CNTNAP5: variants seen among roughly 807,000 people sequenced by gnomAD.
The protein encoded by CNTNAP5 is contactin-associated protein-like 5.
Under a neutral mutation model 150.2 loss-of-function variants are expected in CNTNAP5, and 72 were observed. The observed-to-expected ratio is 0.48, with a 90% CI of 0.40 to 0.58. CNTNAP5 has a LOEUF of 0.58. CNTNAP5 is among the 20% of genes least tolerant of loss of function. CNTNAP5 has a pLI of 0.00. For missense variants in CNTNAP5, 1,636 were observed against 1,626.2 expected (o/e 1.01, Z -0.10); for synonymous variants, 672 against 619.8 (o/e 1.08, Z -1.25).
At chr2:124,511,919 C>A (rs1694600977) in intron 8 of CNTNAP5, among the ~76,000 whole-genome samples, 1 of 118,788 alleles carries the variant, frequency 8.4e-6, no homozygotes, top group Non-Finnish European at 1.7e-5. Context: ...ATATCTAAAC[C>A]TGAATAGGGT....
At chr2:124,217,207 G>A (rs949805499) in intron 1 of CNTNAP5, among the ~76,000 whole-genome samples, 1 of 151,594 alleles carries the variant, frequency 6.6e-6, no homozygotes, top group Non-Finnish European at 1.5e-5. Context: ...TATGAGAGAA[G>A]CCTTTTAGTC....
intron 17 of CNTNAP5, among the ~76,000 whole-genome samples, chr2:124,779,657 G>T (rs779161689): frequency 6.6e-6 from 1 of 152,048 alleles, no homozygotes; most frequent in Admixed American, 6.6e-5. Context: ...CCAAAGCACT[G>T]TTTCATGCTA....
intron 19 of CNTNAP5, among the ~76,000 whole-genome samples, chr2:124,836,712 C>T (rs973700577): frequency 5.3e-5 from 8 of 152,142 alleles, no homozygotes; most frequent in African/African-American, 1.2e-4. Flanking sequence ...CTCACTACAT[C>T]CATGGGTAAT....
intron 12 of CNTNAP5, among the ~76,000 whole-genome samples, chr2:124,626,246 A>G (rs1358612379): frequency 1.3e-5 from 2 of 152,118 alleles, no homozygotes; most frequent in African/African-American, 4.8e-5. Flanking sequence ...GTCCACTCTC[A>G]CATTGCTATA....
chr2:124,123,262 C>G (rs193293542), intron 1 of CNTNAP5, among the ~76,000 whole-genome samples: 2 of 152,200 alleles, frequency 1.3e-5, no homozygotes, highest in South Asian at 4.1e-4. Flanking sequence ...TATCCCATGC[C>G]TGGCTCGGAG....
intron 11 of CNTNAP5, among the ~76,000 whole-genome samples, chr2:124,588,641 T>C (rs1449166910): frequency 1.3e-5 from 2 of 152,156 alleles, no homozygotes; most frequent in Non-Finnish European, 2.9e-5. Flanking sequence ...CTTATTATTA[T>C]GTAAATCTCA....
rs74395086 is a variant in CNTNAP5 at position 124,662,470 on chromosome 2, C to G, written c.2077+14512C>G. ...TGTTGACCCAAATGCCATTCTGCAGCACATGACTGTATACATGTATTTATA... is the reference window on the plus strand; with the variant it reads ...TGTTGACCCAAATGCCATTCTGCAGGACATGACTGTATACATGTATTTATA... On this transcript the variant is annotated intron_variant, in intron 13 of 23. Coordinates refer to ENST00000682447, the MANE Select transcript of CNTNAP5 (RefSeq NM_001367498.1). Among the ~76,000 whole-genome samples the G allele has an allele frequency of 3.9e-3, 593 of 152,272 alleles. 17 individuals are homozygous for G. The East Asian group carries it at 0.06, about 15-fold the overall frequency.
chr2:124,283,496 C>T (rs537782031), intron 3 of CNTNAP5, among the ~76,000 whole-genome samples: 1 of 152,136 alleles, frequency 6.6e-6, no homozygotes, highest in Non-Finnish European at 1.5e-5. Context: ...GAGTTGTGGA[C>T]TCTTGTAAGC....
At chr2:124,893,373 C>G (rs958010180) in intron 21 of CNTNAP5, among the ~76,000 whole-genome samples, 2 of 152,132 alleles carry the variant, frequency 1.3e-5, no homozygotes, top group African/African-American at 4.8e-5. Context: ...TTACTCAGTA[C>G]AGCAGGATGG....
intron 11 of CNTNAP5, among the ~76,000 whole-genome samples, chr2:124,571,351 A>G (rs10445857): frequency 0.31 from 46,479 of 151,526 alleles, 7,484 homozygotes; most frequent in African/African-American, 0.35. Context: ...TGAAAGTAAA[A>G]TATTTTAAGA....
Position 124,682,952 on chromosome 2 carries a change from A to T in CNTNAP5, c.2077+34994A>T, listed in dbSNP as rs1454138. On this transcript the variant is annotated intron_variant, in intron 13 of 23. Transcript: ENST00000682447. ...GCAAATATTTACTTACACGTAAACA[A>T]CTGCAGTGATCATCACACATTTTTC... is the stretch of plus-strand genomic sequence containing the variant. Among the ~76,000 whole-genome samples the T allele has an allele frequency of 5.8e-3, 891 of 152,360 alleles. 10 individuals are homozygous for T. The highest frequency in any genetic ancestry group is 0.021 in the African/African-American group (854 of 41,572).
At chr2:124,697,745 C>T (rs1012219930) in intron 13 of CNTNAP5, among the ~76,000 whole-genome samples, 6 of 152,154 alleles carry the variant, frequency 3.9e-5, no homozygotes, top group Non-Finnish European at 8.8e-5. Context: ...CACACCAATG[C>T]TTCATCATCT....
At chr2:124,713,308 C>CTTT (rs1553434489) in intron 13 of CNTNAP5, among the ~76,000 whole-genome samples, 1 of 57,384 alleles carries the variant, frequency 1.7e-5, no homozygotes, top group African/African-American at 5.4e-5. Context: ...TTTCTTCTTT[C>CTTT]TCTTTCTTTC....
intron 11 of CNTNAP5, among the ~76,000 whole-genome samples, chr2:124,588,577 T>G (rs1696608358): frequency 6.6e-6 from 1 of 152,264 alleles, no homozygotes; most frequent in African/African-American, 2.4e-5. Context: ...AGCTTTGAAT[T>G]ACTGGGACAG....
At chr2:124,208,240 C>T (rs964284947) in intron 1 of CNTNAP5, among the ~76,000 whole-genome samples, 3 of 152,124 alleles carry the variant, frequency 2.0e-5, no homozygotes, top group African/African-American at 7.2e-5. Context: ...CTATTGGGAC[C>T]TACTCTTTTC....
chr2:124,827,355 C>G (rs1351357043), intron 19 of CNTNAP5, among the ~76,000 whole-genome samples: 3 of 152,148 alleles, frequency 2.0e-5, no homozygotes, highest in Non-Finnish European at 4.4e-5. Context: ...TCTCACTGAC[C>G]AGGTGGGTCT....
At position 124,527,434 on chromosome 2, in the gene CNTNAP5, G is replaced by C; in HGVS notation, c.1627G>C (p.Asp543His). Residue 543 changes from aspartate (D) to histidine (H), a missense_variant, in exon 10 of 24, where the codon GAT (aspartate) becomes CAT (histidine). Transcript: ENST00000682447. ...GGGGAATTTTAGTGATTTACACATT[G>C]ATCTGTGTAGCATCAAAGACAGGTA... is the stretch of plus-strand genomic sequence containing the variant. Reference protein sequence around the residue: ...SLGNFSDLHIDLCSIKDRCLP... With the variant: ...SLGNFSDLHIHLCSIKDRCLP... The C allele has an allele frequency of 6.2e-7, 1 of 1,613,268 alleles. No homozygotes were observed. The highest frequency in any genetic ancestry group is 8.5e-7 in the Non-Finnish European group (1 of 1,179,350).
chr2:124,095,720 G>T (rs1373206207), intron 1 of CNTNAP5, among the ~76,000 whole-genome samples: 5 of 151,966 alleles, frequency 3.3e-5, no homozygotes, highest in African/African-American at 1.2e-4. Flanking sequence ...ATATTTCTAG[G>T]CTTAGTTATT....
At chr2:124,860,460 C>CTTCCTTCCTTCT (rs1677494879) in intron 19 of CNTNAP5, among the ~76,000 whole-genome samples, 1 of 29,102 alleles carries the variant, frequency 3.4e-5, no homozygotes, top group Non-Finnish European at 7.5e-5. Context: ...TCTTTCCTTC[C>CTTCCTTCCTTCT]TTCCTTCCTT....
Sources: allele counts gnomAD v4.1 joint callset (sites outside exome capture counted in the v4.1 genomes callset), GRCh38; gene constraint gnomAD v4.1.1; transcripts MANE v1.5; gene names NCBI Gene and HGNC (gene_info 2026-07-23, HGNC 2026-07-21).